PCDH15: variants seen among roughly 807,000 people sequenced by gnomAD.
PCDH15 encodes the protein protocadherin-15.
Under a neutral mutation model 178.5 loss-of-function variants are expected in PCDH15, and 129 were observed. The observed-to-expected ratio is 0.72, with a 90% confidence interval of 0.63 to 0.84. The LOEUF is 0.84. Ranked by LOEUF, PCDH15 falls within the 40% of genes least tolerant of loss-of-function variation. PCDH15 has a pLI of 0.00. For synonymous variants in PCDH15, 800 were observed against 732.0 expected (o/e 1.09, Z -1.50); for missense variants, 2,230 against 2,099.9 (o/e 1.06, Z -1.21).
chr10:54,814,470 C>G lies in PCDH15; in HGVS notation c.-29+82980G>C, dbSNP rs187992569. On this transcript the variant is annotated intron_variant, in intron 3 of 5. Coordinates refer to the PCDH15 transcript ENST00000458638. ...ATTTCTATTTAGTCTTTATAATAAC[C>G]CTTCAATGTGGTCATTATACCACAT... Among the ~76,000 whole-genome samples the G allele has an allele frequency of 4.1e-3, 629 of 152,058 alleles. 7 individuals carry two copies. Among genetic ancestry groups the G allele is most frequent in the African/African-American group, 0.015 (617 of 41,494 alleles).
chr10:54,922,766 C>T (rs150049509), intron 2 of PCDH15, among the ~76,000 whole-genome samples: 85 of 152,278 alleles, frequency 5.6e-4, no homozygotes, highest in African/African-American at 2.0e-3. Context: ...GAAGCTCCAC[C>T]TCTGTGACTC....
At chr10:54,710,331 G>C (rs2095415989) in intron 1 of PCDH15, among the ~76,000 whole-genome samples, 1 of 151,986 alleles carries the variant, frequency 6.6e-6, no homozygotes, top group Non-Finnish European at 1.5e-5. Context: ...TGCTGGAAAA[G>C]TATTGTGAAG....
intron 2 of PCDH15, among the ~76,000 whole-genome samples, chr10:54,962,063 C>T (rs1460333953): frequency 6.6e-6 from 1 of 152,222 alleles, no homozygotes; most frequent in Non-Finnish European, 1.5e-5. Flanking sequence ...TCCAGTTGTC[C>T]ACATAACCTC....
intron 5 of PCDH15, among the ~76,000 whole-genome samples, chr10:54,367,300 C>T (rs117874601): frequency 0.028 from 4,280 of 151,944 alleles, 83 homozygotes; most frequent in South Asian, 0.053. Flanking sequence ...TTTTGACACC[C>T]GACAATAATG....
At chr10:54,858,696 G>A (rs931346224) in intron 3 of PCDH15, among the ~76,000 whole-genome samples, 1 of 151,856 alleles carries the variant, frequency 6.6e-6, no homozygotes, top group Middle Eastern at 3.4e-3. Context: ...CTATATTTAA[G>A]TAATAATAAT....
chr10:54,814,101 A>T (rs1952911121), intron 3 of PCDH15, among the ~76,000 whole-genome samples: 1 of 152,188 alleles, frequency 6.6e-6, no homozygotes, highest in Non-Finnish European at 1.5e-5. Flanking sequence ...CTCAAATATC[A>T]TAAGCTCCTG....
chr10:54,263,416 G>T (rs999257546), intron 8 of PCDH15, among the ~76,000 whole-genome samples: 7 of 152,188 alleles, frequency 4.6e-5, no homozygotes, highest in African/African-American at 1.7e-4. Flanking sequence ...TGTTGCGGAT[G>T]CAGCAGTAGC....
chr10:55,080,093 T>C (rs1841999458), intron 2 of PCDH15, among the ~76,000 whole-genome samples: 1 of 152,056 alleles, frequency 6.6e-6, no homozygotes, highest in African/African-American at 2.4e-5. Flanking sequence ...TCTCTCAGGT[T>C]CTAGGGAGTG....
At chr10:55,624,290 G>C (rs1268357436) in intron 2 of PCDH15, among the ~76,000 whole-genome samples, 1 of 151,806 alleles carries the variant, frequency 6.6e-6, no homozygotes, top group Non-Finnish European at 1.5e-5. Flanking sequence ...TATCAAAAGA[G>C]ATTATTAGAG....
At chr10:54,875,904 T>C (rs1254164839) in intron 3 of PCDH15, among the ~76,000 whole-genome samples, 1 of 152,148 alleles carries the variant, frequency 6.6e-6, no homozygotes, top group Non-Finnish European at 1.5e-5. Flanking sequence ...AGATAATTGA[T>C]GAAGGTAGAT....
At chr10:55,098,078 A>G (rs1398024790) in intron 2 of PCDH15, among the ~76,000 whole-genome samples, 1 of 152,160 alleles carries the variant, frequency 6.6e-6, no homozygotes, top group Non-Finnish European at 1.5e-5. Flanking sequence ...ACATTGCATG[A>G]TTTTTATACA....
chr10:54,589,914 A>G (rs992198705), intron 2 of PCDH15, among the ~76,000 whole-genome samples: 2 of 152,126 alleles, frequency 1.3e-5, no homozygotes, highest in Non-Finnish European at 2.9e-5. Flanking sequence ...ACGTAAGAAT[A>G]AAGAAATATC....
intron 2 of PCDH15, among the ~76,000 whole-genome samples, chr10:55,489,623 T>G (rs1840370380): frequency 6.6e-6 from 1 of 151,700 alleles, no homozygotes; most frequent in African/African-American, 2.4e-5. Context: ...CCAAGAGAGA[T>G]GAGTAGTTAA....
At chr10:53,895,850 A>G (rs541387270) in intron 26 of PCDH15, among the ~76,000 whole-genome samples, 2 of 152,262 alleles carry the variant, frequency 1.3e-5, no homozygotes, top group South Asian at 4.1e-4. Context: ...GAAAGTTAGT[A>G]TGTTCTCTTA....
intron 3 of PCDH15, among the ~76,000 whole-genome samples, chr10:54,402,960 G>A (rs760402369): frequency 6.6e-6 from 1 of 151,968 alleles, no homozygotes; most frequent in East Asian, 1.9e-4. Context: ...GCTTAATGAG[G>A]AAGGCATGTT....
At chr10:54,926,976 T>C (rs902170656) in intron 2 of PCDH15, among the ~76,000 whole-genome samples, 5 of 152,058 alleles carry the variant, frequency 3.3e-5, no homozygotes, top group African/African-American at 1.2e-4. Context: ...CCAATTTTGG[T>C]AATTTCTTGT....
intron 1 of PCDH15, among the ~76,000 whole-genome samples, chr10:54,752,261 A>C (rs11004542): frequency 6.7e-6 from 1 of 150,198 alleles, no homozygotes; most frequent in African/African-American, 2.4e-5. Flanking sequence ...CAGATCATGA[A>C]GTCAGGAGAT....
upstream of PCDH15, among the ~76,000 whole-genome samples, chr10:54,804,925 G>GATTATATATATATATATATATATATATAT (rs1160087263): frequency 0.011 from 44 of 4,152 alleles, 1 homozygote; most frequent in African/African-American, 0.03. Context: ...TTTCATAGTA[G>GATTATATATATATATATATATATATATAT]ATTATATATA....
At chr10:53,829,578 C>T (rs4417176) in intron 30 of PCDH15, among the ~76,000 whole-genome samples, 58,205 of 152,038 alleles carry the variant, frequency 0.38, 11,806 homozygotes, top group East Asian at 0.75. Flanking sequence ...TGTTCAGTAT[C>T]AATTTTGTTC....
Sources: gnomAD v4.1 joint callset for allele counts (sites outside exome capture counted in the v4.1 genomes callset) on GRCh38, gnomAD v4.1.1 for gene constraint, MANE v1.5 for transcripts, NCBI Gene and HGNC (gene_info 2026-07-23, HGNC 2026-07-21) for gene names.